CACNB2: variants seen among roughly 807,000 people sequenced by gnomAD.
CACNB2 encodes voltage-dependent L-type calcium channel subunit beta-2.
A neutral mutation model predicts 73.3 loss-of-function variants in CACNB2; 42 were observed. The ratio of observed to expected loss-of-function variants is 0.57; its 90% CI spans 0.45 to 0.74. The LOEUF is 0.74. CACNB2 is among the 30% of genes least tolerant of loss of function. The pLI, the probability that CACNB2 is intolerant of heterozygous loss-of-function variation, is 0.00. For missense variants in CACNB2, 940 were observed against 853.0 expected (o/e 1.10, Z -1.27); for synonymous variants, 348 against 310.3 (o/e 1.12, Z -1.28).
chr10:18,312,665 T>C (rs1398930526), intron 2 of CACNB2, among the ~76,000 whole-genome samples: 1 of 152,210 alleles, frequency 6.6e-6, no homozygotes, highest in Non-Finnish European at 1.5e-5. Context: ...ATCTGCTCTT[T>C]TCTGTCTTCA....
intron 2 of CACNB2, among the ~76,000 whole-genome samples, chr10:18,360,347 C>T (rs2042093590): frequency 6.6e-6 from 1 of 152,174 alleles, no homozygotes; most frequent in Non-Finnish European, 1.5e-5. Flanking sequence ...CTTGCCTCAG[C>T]CTCCTGAGTA....
chr10:18,481,833 A>G (rs1179595970), intron 3 of CACNB2, among the ~76,000 whole-genome samples: 3 of 152,192 alleles, frequency 2.0e-5, no homozygotes, highest in Non-Finnish European at 4.4e-5. Context: ...GGCTACAGAT[A>G]TGGACAGCCA....
intron 3 of CACNB2, among the ~76,000 whole-genome samples, chr10:18,448,479 T>TAAAAAAAAAAAAAAAAAA (rs56255761): frequency 9.3e-5 from 10 of 107,058 alleles, no homozygotes; most frequent in Middle Eastern, 5.4e-3. Flanking sequence ...CTCTCTCATT[T>TAAAAAAAAAAAAAAAAAA]AAAAAAAAAA....
At chr10:18,215,779 T>A (rs909206455) in intron 2 of CACNB2, among the ~76,000 whole-genome samples, 1 of 152,096 alleles carries the variant, frequency 6.6e-6, no homozygotes, top group African/African-American at 2.4e-5. Flanking sequence ...GGCTATAAAT[T>A]TTCCGCGTCC....
intron 2 of CACNB2, among the ~76,000 whole-genome samples, chr10:18,202,195 A>T (rs969045851): frequency 1.3e-5 from 2 of 152,218 alleles, no homozygotes; most frequent in Non-Finnish European, 2.9e-5. Context: ...CTGACAACAC[A>T]CAAAAAGAGG....
chr10:18,270,247 C>T (rs1033726859), intron 2 of CACNB2, among the ~76,000 whole-genome samples: 5 of 152,060 alleles, frequency 3.3e-5, no homozygotes, highest in African/African-American at 1.2e-4. Flanking sequence ...AACTTACTAT[C>T]ATAAAAACAA....
intron 3 of CACNB2, among the ~76,000 whole-genome samples, chr10:18,483,122 G>C (rs2048873156): frequency 6.6e-6 from 1 of 152,020 alleles, no homozygotes; most frequent in Admixed American, 6.6e-5. Context: ...GTGATCACAT[G>C]GGGTTTCATG....
At chr10:18,417,273 T>G (rs2045031876) in intron 3 of CACNB2, among the ~76,000 whole-genome samples, 1 of 152,040 alleles carries the variant, frequency 6.6e-6, no homozygotes, top group South Asian at 2.1e-4. Context: ...TTTTAAAGTT[T>G]AGTTTATTGT....
intron 2 of CACNB2, among the ~76,000 whole-genome samples, chr10:18,260,242 C>T (rs1475142462): frequency 2.0e-5 from 3 of 152,118 alleles, no homozygotes; most frequent in Admixed American, 1.3e-4. Flanking sequence ...AAAACTGGGT[C>T]TTTAGGGAAA....
Position 18,537,884 on chromosome 10 carries a change from T to C in CACNB2, c.1303-296T>C, listed in dbSNP as rs10828870. 0.35 allele frequency among the ~76,000 whole-genome samples: 53,193 copies of C among 152,066 alleles called. 9,901 individuals are homozygous for C. The highest frequency in any genetic ancestry group is 0.74 in the East Asian group (3,826 of 5,170). ...TATATACATCTCTTTTCTACCATAGTATCTATGCCTTTTTCATTGCTGATT... is the reference window on the plus strand; with the variant it reads ...TATATACATCTCTTTTCTACCATAGCATCTATGCCTTTTTCATTGCTGATT... On this transcript the variant is annotated intron_variant, in intron 12 of 13. Transcript: ENST00000324631.
At chr10:18,452,942 T>G (rs1250626176) in intron 3 of CACNB2, among the ~76,000 whole-genome samples, 1 of 151,982 alleles carries the variant, frequency 6.6e-6, no homozygotes, top group Non-Finnish European at 1.5e-5. Context: ...CAAACCAGAG[T>G]CAGGGATAAA....
intron 2 of CACNB2, chr10:18,234,260 C>T (rs2036340533): frequency 6.6e-6 from 1 of 152,136 alleles, no homozygotes; most frequent in Non-Finnish European, 1.5e-5. Context: ...TTTAAGATAT[C>T]TTAAAATGAG....
intron 2 of CACNB2, among the ~76,000 whole-genome samples, chr10:18,295,154 A>G (rs1217905399): frequency 3.3e-5 from 5 of 152,256 alleles, no homozygotes; most frequent in Admixed American, 1.3e-4. Flanking sequence ...TAGTATTAAA[A>G]GGGGGGATTT....
intron 2 of CACNB2, among the ~76,000 whole-genome samples, chr10:18,227,628 C>T (rs1443315586): frequency 1.3e-5 from 2 of 152,228 alleles, no homozygotes; most frequent in South Asian, 2.1e-4. Flanking sequence ...TGGTCTTGGG[C>T]GGCCGCAAGA....
At chr10:18,355,013 A>G (rs868777475) in intron 2 of CACNB2, among the ~76,000 whole-genome samples, 1 of 152,240 alleles carries the variant, frequency 6.6e-6, no homozygotes, top group Non-Finnish European at 1.5e-5. Flanking sequence ...TATTTAAAAT[A>G]TCATGTAAAT....
chr10:18,197,279 C>G (rs2034668810), intron 2 of CACNB2, among the ~76,000 whole-genome samples: 2 of 152,168 alleles, frequency 1.3e-5, no homozygotes, highest in African/African-American at 2.4e-5. Flanking sequence ...CTCATCCTCT[C>G]TAGCTCTTGG....
At chr10:18,163,226 G>A (rs995294256) in intron 2 of CACNB2, among the ~76,000 whole-genome samples, 1 of 152,230 alleles carries the variant, frequency 6.6e-6, no homozygotes, top group African/African-American at 2.4e-5. Flanking sequence ...GCACAACTCA[G>A]TGAGATGGAT....
chr10:18,235,566 G>A (rs2036410164), intron 2 of CACNB2, among the ~76,000 whole-genome samples: 1 of 152,148 alleles, frequency 6.6e-6, no homozygotes, highest in Non-Finnish European at 1.5e-5. Context: ...AGACAGAAGG[G>A]GTCTGTTTGG....
intron 2 of CACNB2, among the ~76,000 whole-genome samples, chr10:18,328,869 C>G (rs2040689444): frequency 6.6e-6 from 1 of 152,158 alleles, no homozygotes; most frequent in African/African-American, 2.4e-5. Context: ...AATAAGGAAA[C>G]ACAAAACCTC....
Sources: allele counts gnomAD v4.1 joint callset (sites outside exome capture counted in the v4.1 genomes callset), GRCh38; gene constraint gnomAD v4.1.1; transcripts MANE v1.5; gene names NCBI Gene and HGNC (gene_info 2026-07-23, HGNC 2026-07-21).